MPP4: variants seen among roughly 807,000 people sequenced by gnomAD.
The protein encoded by MPP4 is MAGUK p55 scaffold protein 4, also known as MAGUK p55 subfamily member 4.
MPP4 carries 91 observed loss-of-function variants against 98.3 expected under a neutral mutation model. The observed-to-expected ratio is 0.93, with a 90% CI of 0.78 to 1.10. The LOEUF (loss-of-function observed/expected upper bound fraction) is 1.10, where lower values mean the gene tolerates loss of function less well. Ranked by LOEUF, MPP4 falls within the 50% of genes least tolerant of loss-of-function variation. The pLI, the probability that MPP4 is intolerant of heterozygous loss-of-function variation, is 0.00. For missense variants in MPP4, 744 were observed against 792.9 expected (o/e 0.94, Z 0.74); for synonymous variants, 261 against 271.8 (o/e 0.96, Z 0.39).
chr2:201,658,155 G>A (rs565047368), intron 16 of MPP4, among the ~76,000 whole-genome samples: 11 of 152,152 alleles, frequency 7.2e-5, no homozygotes, highest in South Asian at 6.2e-4. Context: ...TAGAAATGTG[G>A]CCATAAGAAG....
At chr2:201,662,555 C>T (rs1378099353) in intron 14 of MPP4, among the ~76,000 whole-genome samples, 1 of 130,994 alleles carries the variant, frequency 7.6e-6, no homozygotes, top group African/African-American at 2.8e-5. Flanking sequence ...TTGGGCATAA[C>T]ATATTTGGAA....
chr2:201,655,505 T>G (rs957611542), intron 17 of MPP4, among the ~76,000 whole-genome samples: 4 of 152,182 alleles, frequency 2.6e-5, no homozygotes, highest in Non-Finnish European at 5.9e-5. Context: ...AAGGGGCCCT[T>G]GCATTTGCAT....
At chr2:201,652,157 C>T (rs1006068529) in intron 18 of MPP4, 1 of 269,120 alleles carries the variant, frequency 3.7e-6, no homozygotes, top group African/African-American at 2.3e-5. Context: ...AGCCCCTGCA[C>T]AAAATTCTAG....
intron 14 of MPP4, 43 bp downstream of exon 14, chr2:201,664,038 T>C (rs770059911): frequency 1.7e-4 from 232 of 1,386,250 alleles, no homozygotes; most frequent in Non-Finnish European, 2.2e-4. Context: ...AAATTTAGAA[T>C]ATACATTTAA....
rs1227512000 is a variant in MPP4, at chr2:201,690,242, AGTTTC to A, written c.234_238del (p.Lys78AsnfsTer14). On this transcript the variant is annotated frameshift_variant, in exon 4 of 22. Coordinates refer to ENST00000409474, the MANE Select transcript of MPP4 (RefSeq NM_033066.3). LOFTEE classifies it high-confidence loss of function. ...CTGTGCATGTGGTGTGGCAGGAACT[AGTTTC>A]TTTTCTTTAAATTCCTGGAGGCAGT... 6.2e-7 allele frequency: 1 copy of A among 1,609,652 alleles called. No individual in the cohort carries two copies. The highest frequency in any genetic ancestry group is 1.3e-5 in the African/African-American group (1 of 74,888).
intron 18 of MPP4, among the ~76,000 whole-genome samples, chr2:201,654,318 A>T (rs1389579803): frequency 6.6e-6 from 1 of 152,210 alleles, no homozygotes; most frequent in African/African-American, 2.4e-5. Context: ...TTATAATCAT[A>T]CTCATAAATT....
At chr2:201,692,789 A>G (rs1403904787) in intron 3 of MPP4, 119 bp downstream of exon 3, 4 of 1,417,542 alleles carry the variant, frequency 2.8e-6, no homozygotes, top group African/African-American at 1.5e-5. Flanking sequence ...TGAGATATCA[A>G]TTTCTGTTGT....
intron 4 of MPP4, 31 bp from the exon 5 acceptor site, chr2:201,687,402 A>G: frequency 1.3e-6 from 2 of 1,528,966 alleles, no homozygotes; most frequent in Non-Finnish European, 1.8e-6. Context: ...CATTATAAAA[A>G]TTTTAAAAAA....
At chr2:201,656,146 T>C in intron 17 of MPP4, 52 bp downstream of exon 17, 1 of 1,509,708 alleles carries the variant, frequency 6.6e-7, no homozygotes, top group Non-Finnish European at 8.9e-7. Flanking sequence ...CACCTGAATC[T>C]AGAAGGAAGA....
intron 8 of MPP4, among the ~76,000 whole-genome samples, chr2:201,682,303 G>C (rs1047848499): frequency 5.9e-5 from 9 of 152,168 alleles, no homozygotes; most frequent in African/African-American, 9.7e-5. Flanking sequence ...TTAGGTGCTT[G>C]TCTCATAGCA....
chr2:201,685,421 G>C (rs1179357088), intron 6 of MPP4, among the ~76,000 whole-genome samples: 1 of 152,206 alleles, frequency 6.6e-6, no homozygotes. Context: ...AGGCCATTCG[G>C]CTTTGGCTTC....
intron 15 of MPP4, among the ~76,000 whole-genome samples, chr2:201,659,767 G>C (rs1687972127): frequency 1.3e-5 from 2 of 152,366 alleles, no homozygotes; most frequent in East Asian, 1.9e-4. Flanking sequence ...TTGGGAGATG[G>C]AGGTTGCAGT....
chr2:201,694,026 A>C lies in MPP4; in HGVS notation c.-72T>G. The C allele has an allele frequency of 6.2e-7, 1 of 1,613,040 alleles. No homozygotes were observed. The highest frequency in any genetic ancestry group is 2.2e-5 in the East Asian group (1 of 44,870). On this transcript the variant is annotated 5_prime_UTR_variant, in exon 2 of 22. Transcript: ENST00000409474. ...TCAATACACGGCACACAGCTCACTCAGTCCCACTGGCCACCAGCTCTCAGC... is the reference window on the plus strand; with the variant it reads ...TCAATACACGGCACACAGCTCACTCCGTCCCACTGGCCACCAGCTCTCAGC...
Position 201,656,249 on chromosome 2 carries a change from C to A in MPP4, c.1249G>T (p.Val417Leu). ...SAVGAPYEEVVRYQRRPSDKY... is the reference protein window; with the variant it reads ...SAVGAPYEEVLRYQRRPSDKY... ...TCTGAAGGGCGTCGCTGGTACCTCACCACCTCCTCGTAAGGGGCACCCACT... is the reference window on the plus strand; with the variant it reads ...TCTGAAGGGCGTCGCTGGTACCTCAACACCTCCTCGTAAGGGGCACCCACT... The change falls in exon 17 of 22, where the codon GTG becomes TTG. Residue 417 changes from valine (V) to leucine (L), a missense_variant. Val to Leu is a conservative substitution (Grantham distance 32). Transcript: ENST00000409474. 6.2e-7 allele frequency: 1 copy of A among 1,603,126 alleles called. No individual in the cohort carries two copies. Among genetic ancestry groups the A allele is most frequent in the Non-Finnish European group, 8.5e-7 (1 of 1,174,850 alleles).
At chr2:201,667,711 A>G (rs1688221661) in intron 12 of MPP4, among the ~76,000 whole-genome samples, 1 of 152,238 alleles carries the variant, frequency 6.6e-6, no homozygotes, top group Non-Finnish European at 1.5e-5. Context: ...CCAAAAGTAC[A>G]TAGTCTGTAA....
chr2:201,665,899 CTCA>C (rs1348845627), intron 13 of MPP4: 1 of 152,484 alleles, frequency 6.6e-6, no homozygotes, highest in Non-Finnish European at 1.5e-5. Flanking sequence ...TCATGCATGT[CTCA>C]TCATTTTGGA....
intron 12 of MPP4, among the ~76,000 whole-genome samples, chr2:201,668,766 C>G (rs78701905): frequency 0.015 from 2,353 of 152,318 alleles, 82 homozygotes; most frequent in African/African-American, 0.054. Context: ...TTCCCAGCTC[C>G]TCCCTCCCAC....
In MPP4 at chr2:201,656,299, C is replaced by T; in HGVS notation, c.1199G>A (p.Cys400Tyr). 6.3e-7 allele frequency: 1 copy of T among 1,576,256 alleles called. No individual in the cohort carries two copies. The highest frequency in any genetic ancestry group is 2.3e-5 in the East Asian group (1 of 42,954). ...SHLSPLHASV[C>Y]CTGSCYSAVG... ...TGCACTGTAGCAGCTGCCGGTGCAGCACACACTGGCATGCAGCGGGCTGAG... is the reference window on the plus strand; with the variant it reads ...TGCACTGTAGCAGCTGCCGGTGCAGTACACACTGGCATGCAGCGGGCTGAG... Residue 400 changes from cysteine (C) to tyrosine (Y), a missense_variant, in exon 17 of 22, where the codon TGC becomes TAC. Coordinates refer to ENST00000409474, the MANE Select transcript of MPP4 (RefSeq NM_033066.3).
chr2:201,651,396 A>C (rs1391219520), intron 18 of MPP4: 1 of 985,298 alleles, frequency 1.0e-6, no homozygotes, highest in African/African-American at 1.7e-5. Flanking sequence ...GTAAAACCTT[A>C]TAGCTCTCAG....
Sources: gnomAD v4.1 joint callset for allele counts (sites outside exome capture counted in the v4.1 genomes callset) on GRCh38, gnomAD v4.1.1 for gene constraint, MANE v1.5 for transcripts, NCBI Gene and HGNC (gene_info 2026-07-23, HGNC 2026-07-21) for gene names.